The following MPDZ variants were observed in gnomAD, a reference collection of about 807,000 sequenced individuals.
MPDZ encodes the protein multiple PDZ domain protein.
MPDZ carries 234 observed loss-of-function variants against 239.1 expected under a neutral mutation model. The ratio of observed to expected loss-of-function variants is 0.98; its 90% CI spans 0.88 to 1.09. The LOEUF is 1.09. MPDZ is among the 50% of genes least tolerant of loss of function. MPDZ has a pLI of 0.00. For synonymous variants in MPDZ, 1,048 were observed against 881.3 expected (o/e 1.19, Z -3.35); for missense variants, 3,175 against 2,510.0 (o/e 1.26, Z -5.66).
At chr9:13,229,456 T>C (rs1338339689) in intron 3 of MPDZ, among the ~76,000 whole-genome samples, 2 of 149,304 alleles carry the variant, frequency 1.3e-5, no homozygotes, top group Non-Finnish European at 3.0e-5. Flanking sequence ...CAAAGCACAA[T>C]AAGACCAACA....
At chr9:13,219,869 G>T in intron 7 of MPDZ, 101 bp from the exon 8 acceptor site, 1 of 1,117,314 alleles carries the variant, frequency 9.0e-7, no homozygotes, top group Non-Finnish European at 1.3e-6. Context: ...AATAATATGA[G>T]TTACCAATCA....
At chr9:13,272,321 G>A (rs1435709708) in intron 1 of MPDZ, among the ~76,000 whole-genome samples, 1 of 151,972 alleles carries the variant, frequency 6.6e-6, no homozygotes, top group Non-Finnish European at 1.5e-5. Flanking sequence ...AGGCCCCAGG[G>A]CTATTTCTTC....
intron 1 of MPDZ, among the ~76,000 whole-genome samples, chr9:13,267,327 T>C (rs1972008246): frequency 6.6e-6 from 1 of 152,220 alleles, no homozygotes; most frequent in Non-Finnish European, 1.5e-5. Context: ...CTATGTCCTT[T>C]ACAAATATGC....
At chr9:13,229,696 G>A (rs535957556) in intron 3 of MPDZ, among the ~76,000 whole-genome samples, 80 of 151,666 alleles carry the variant, frequency 5.3e-4, no homozygotes, top group African/African-American at 1.8e-3. Flanking sequence ...AATCTCAGAA[G>A]ATCCCTATGC....
intron 1 of MPDZ, among the ~76,000 whole-genome samples, chr9:13,255,678 C>G (rs937197388): frequency 6.6e-6 from 1 of 152,160 alleles, no homozygotes; most frequent in Non-Finnish European, 1.5e-5. Context: ...TTTATAAGAA[C>G]CTTTTTCTGA....
At chr9:13,123,085 C>T in intron 36 of MPDZ, 68 bp downstream of exon 36, 1 of 1,466,816 alleles carries the variant, frequency 6.8e-7, no homozygotes, top group East Asian at 2.3e-5. Context: ...ATAGAAATCT[C>T]CCCATAATCG....
At chr9:13,263,188 A>T (rs1971068037) in intron 1 of MPDZ, among the ~76,000 whole-genome samples, 1 of 152,206 alleles carries the variant, frequency 6.6e-6, no homozygotes, top group Non-Finnish European at 1.5e-5. Context: ...AGAAGAAACA[A>T]GACTGACCAT....
At chr9:13,136,334 T>C (rs1291843676) in intron 30 of MPDZ, among the ~76,000 whole-genome samples, 152 bp from the exon 31 acceptor site, 1 of 130,832 alleles carries the variant, frequency 7.6e-6, no homozygotes, top group Non-Finnish European at 1.6e-5. Flanking sequence ...TCTTTTTTTT[T>C]TTTTTTTTTT....
chr9:13,220,176 G>A (rs1958915874), intron 7 of MPDZ, among the ~76,000 whole-genome samples: 1 of 151,868 alleles, frequency 6.6e-6, no homozygotes, highest in Admixed American at 6.6e-5. Context: ...CCACAAGAAA[G>A]CATTATATTA....
rs139270077 is a variant in MPDZ at position 13,269,855 on chromosome 9, G to C, written c.-58+9545C>G. ...GCAAGATTCCAGGTAGTTCAGATAA[G>C]GGAAAATTGCATGAAGAAATCCAAA... On this transcript the variant is annotated intron_variant, in intron 1 of 46. Transcript: ENST00000319217. 5.5e-3 allele frequency among the ~76,000 whole-genome samples: 843 copies of C among 152,216 alleles called. 6 individuals are homozygous for C. The highest frequency in any genetic ancestry group is 0.018 in the African/African-American group (749 of 41,536).
chr9:13,114,284 CTCAT>C lies in MPDZ; in HGVS notation c.5467-267_5467-264del, dbSNP rs539661482. Among the ~76,000 whole-genome samples the C allele has an allele frequency of 4.6e-5, 7 of 152,238 alleles. No individual in the cohort carries two copies. In the South Asian group the frequency reaches 1.5e-3, roughly 32 times the overall value. ...TAAAATTTTAGTGGATAGTCATAAT[CTCAT>C]TCAAACTAATCTTCTTTAAATTTAA... On this transcript the variant is annotated intron_variant, in intron 40 of 46. Transcript: ENST00000319217.
chr9:13,166,742 A>G (rs1449893490), intron 22 of MPDZ, among the ~76,000 whole-genome samples: 1 of 152,096 alleles, frequency 6.6e-6, no homozygotes, highest in Admixed American at 6.6e-5. Flanking sequence ...TTCTGCCCAC[A>G]TGATAGGGTA....
chr9:13,240,838 T>TA (rs1965234580), intron 3 of MPDZ, among the ~76,000 whole-genome samples: 1 of 152,076 alleles, frequency 6.6e-6, no homozygotes. Context: ...TAAGGCCTAT[T>TA]AGTCTTAAAT....
Position 13,107,039 on chromosome 9 carries a change from C to T in MPDZ, c.6139G>A (p.Gly2047Arg), listed in dbSNP as rs754386365. ...IIAVNGQSLEGVTHEEAVAIL... is the reference protein window; with the variant it reads ...IIAVNGQSLERVTHEEAVAIL... ...GCAACAGCTTCTTCATGGGTGACTCCTTCTAGACTCTGCCCATTGACAGCA... is the reference window on the plus strand; with the variant it reads ...GCAACAGCTTCTTCATGGGTGACTCTTTCTAGACTCTGCCCATTGACAGCA... The change falls in exon 47 of 47, where the codon GGA becomes AGA. Residue 2047 changes from glycine to arginine, a missense_variant. By Grantham distance (125) the Gly-to-Arg change is moderately radical (BLOSUM62 -2). Transcript: ENST00000319217. 10 of 1,611,766 alleles carry T rather than the reference C, an allele frequency of 6.2e-6. No homozygotes were observed. The Admixed American group carries it at 1.5e-4, about 24-fold the overall frequency.
chr9:13,239,818 CTTG>C lies in MPDZ; in HGVS notation c.183+7814_183+7816del, dbSNP rs1964949264. On this transcript the variant is annotated intron_variant, in intron 3 of 46. Transcript: ENST00000319217. Reference sequence around the variant, plus strand: ...ATTAATTCTAAGGCTCCTTTTTATGCTTGTTAAGAACAAATGGCAAGTGGAATG... The same window carrying C: ...ATTAATTCTAAGGCTCCTTTTTATGCTTAAGAACAAATGGCAAGTGGAATG... Among the ~76,000 whole-genome samples the C allele has an allele frequency of 2.6e-5, 4 of 152,042 alleles. No individual in the cohort carries two copies. In the South Asian group the frequency reaches 8.3e-4, roughly 31 times the overall value.
rs760921308 is a variant in MPDZ at position 13,190,049 on chromosome 9, C to A, written c.2154+65G>T. The A allele has an allele frequency of 1.5e-5, 21 of 1,409,074 alleles. 1 individual carries two copies. The highest frequency in any genetic ancestry group is 1.2e-4 in the Admixed American group (6 of 50,372). The allele number at this position is 1,409,074 out of a possible 1,614,324, so 87.3% of individuals were successfully genotyped here. A position where few individuals can be genotyped will look rare whatever the true frequency, so the allele number is the denominator to read the frequency against. On this transcript the variant is annotated intron_variant, in intron 16 of 46. Transcript: ENST00000319217. ...ATCTTTGATGGTTATAAACTATCAT[C>A]ATCTGCTTTTTCTTTGATAGCAACA...
At chr9:13,259,255 T>A (rs1239312224) in intron 1 of MPDZ, among the ~76,000 whole-genome samples, 1 of 151,798 alleles carries the variant, frequency 6.6e-6, no homozygotes, top group African/African-American at 2.4e-5. Flanking sequence ...TTCAAGCGAT[T>A]CTCCTGCCTC....
intron 17 of MPDZ, among the ~76,000 whole-genome samples, 176 bp downstream of exon 17, chr9:13,188,604 CCTTT>C (rs1474928934): frequency 1.3e-5 from 2 of 151,984 alleles, no homozygotes; most frequent in Admixed American, 6.6e-5. Flanking sequence ...TATTTTCTTT[CCTTT>C]ATTTTTTTTG....
At chr9:13,154,562 C>A (rs1318644757) in intron 24 of MPDZ, among the ~76,000 whole-genome samples, 1 of 152,158 alleles carries the variant, frequency 6.6e-6, no homozygotes. Context: ...AGTCTCTACA[C>A]AGAGTTTCTG....
Sources: gnomAD v4.1 joint callset for allele counts (sites outside exome capture counted in the v4.1 genomes callset) on GRCh38, gnomAD v4.1.1 for gene constraint, MANE v1.5 for transcripts, NCBI Gene and HGNC (gene_info 2026-07-23, HGNC 2026-07-21) for gene names.